The following CSMD1 variants were observed in gnomAD, a reference collection of about 807,000 sequenced individuals.
CSMD1 encodes the protein CUB and sushi domain-containing protein 1.
Under a neutral mutation model 417.5 loss-of-function variants are expected in CSMD1, and 213 were observed. That is an observed-to-expected ratio of 0.51 (90% confidence interval 0.46 to 0.57). The LOEUF is 0.57. Ranked by LOEUF, CSMD1 falls within the 20% of genes least tolerant of loss-of-function variation. The pLI is 0.00. For synonymous variants in CSMD1, 2,862 were observed against 1,736.8 expected (o/e 1.65, Z -16.11); for missense variants, 6,923 against 4,529.7 (o/e 1.53, Z -15.17).
chr8:4,335,996 C>A (rs950475021), intron 3 of CSMD1, among the ~76,000 whole-genome samples: 1 of 152,142 alleles, frequency 6.6e-6, no homozygotes, highest in Non-Finnish European at 1.5e-5. Flanking sequence ...GCCCCGCTCA[C>A]TGTCAAGTTA....
chr8:3,358,832 T>C (rs1808969082), intron 21 of CSMD1, among the ~76,000 whole-genome samples: 1 of 150,080 alleles, frequency 6.7e-6, no homozygotes, highest in African/African-American at 2.5e-5. Flanking sequence ...CTTCCAGTTT[T>C]TCTTTTGCTC....
intron 36 of CSMD1, among the ~76,000 whole-genome samples, chr8:3,181,491 G>C (rs1329947822): frequency 6.6e-6 from 1 of 152,038 alleles, no homozygotes; most frequent in East Asian, 1.9e-4. Context: ...TTTTTGCATT[G>C]TTTTATCCAT....
At chr8:4,074,517 G>C (rs187085946) in intron 3 of CSMD1, among the ~76,000 whole-genome samples, 1 of 152,168 alleles carries the variant, frequency 6.6e-6, no homozygotes, top group Admixed American at 6.5e-5. Context: ...TACAAAACAT[G>C]ATATTTGAGA....
At chr8:3,733,201 ACACACT>A (rs1207938979) in intron 6 of CSMD1, among the ~76,000 whole-genome samples, 1,978 of 116,774 alleles carry the variant, frequency 0.017, 15 homozygotes, top group Middle Eastern at 0.034. Flanking sequence ...ACACACACAC[ACACACT>A]CTCTCTCTCT....
At position 3,157,900 on chromosome 8, in the gene CSMD1, T is replaced by C. The variant is rs1394377021; in HGVS notation, c.5911A>G (p.Ile1971Val). The C allele has an allele frequency of 6.4e-7, 1 of 1,552,994 alleles. No homozygotes were observed. ...GTTACAGAAGGTGCATCCTTACCAA[T>C]GCACAGGGGAGACGGATAGTTCCAA... ...RRWNYPSPLC[I>V]ATCGGTLSTL... is the part of the protein sequence containing the mutation. The change falls in exon 39 of 70, where the codon ATT becomes GTT. Residue 1971 changes from isoleucine (I) to valine (V), a missense_variant. By Grantham distance (29) the Ile-to-Val change is conservative. Coordinates refer to ENST00000635120, the MANE Select transcript of CSMD1 (RefSeq NM_033225.6).
chr8:3,463,805 G>A (rs80148850), intron 12 of CSMD1, among the ~76,000 whole-genome samples: 5,265 of 152,260 alleles, frequency 0.035, 154 homozygotes, highest in East Asian at 0.15. Flanking sequence ...AGTTCCGTCT[G>A]CCAAGAATGG....
At chr8:4,457,973 T>A (rs978955352) in intron 2 of CSMD1, among the ~76,000 whole-genome samples, 1 of 152,174 alleles carries the variant, frequency 6.6e-6, no homozygotes, top group African/African-American at 2.4e-5. Flanking sequence ...TGTACTTCTT[T>A]GGTTGGTGGC....
chr8:3,452,401 G>C lies in CSMD1; in HGVS notation c.1561+16311C>G, dbSNP rs149048469. 0.011 allele frequency among the ~76,000 whole-genome samples: 1,603 copies of C among 152,246 alleles called. 52 individuals carry two copies. In the East Asian group the frequency reaches 0.11, roughly 10 times the overall value. ...GGCACTCCTGTCTTGTGCCAGTTTT[G>C]AAAGGGAATGCTTCCAGTTTTTGCC... is the stretch of plus-strand genomic sequence containing the variant. On this transcript the variant is annotated intron_variant, in intron 12 of 69. Transcript: ENST00000635120.
chr8:4,325,615 C>T (rs1799516122), intron 3 of CSMD1, among the ~76,000 whole-genome samples: 1 of 152,144 alleles, frequency 6.6e-6, no homozygotes, highest in African/African-American at 2.4e-5. Context: ...AACATGAAAG[C>T]ATCTGAAGAT....
Position 2,951,278 on chromosome 8 carries a change from G to T in CSMD1, c.10040-3C>A. 4 of 1,598,946 alleles carry T rather than the reference G, an allele frequency of 2.5e-6. No homozygotes were observed. Among genetic ancestry groups the T allele is most frequent in the Non-Finnish European group, 3.4e-6 (4 of 1,172,096 alleles). On this transcript the variant is annotated splice_region_variant and splice_polypyrimidine_tract_variant and intron_variant, in intron 65 of 69. Transcript: ENST00000635120. ...GACGAAAAAGACATCTGAAGGAACT[G>T]TGGGAAGGGGGGAAACAGACCAATG...
rs756559435 is a variant in CSMD1 at position 4,637,527 on chromosome 8, G to A, written c.117C>T (p.Pro39=). 1.9e-6 allele frequency: 3 copies of A among 1,613,582 alleles called. No homozygotes were observed. Among genetic ancestry groups the A allele is most frequent in the Non-Finnish European group, 2.5e-6 (3 of 1,179,790 alleles). ...ACCCTGGGCTCTCAATAGTGCCATT[G>A]GGACCCTGGACTAAGCCTCCACAGT... ...GQNCGGLVQG[P]NGTIESPGFP... The change falls in exon 2 of 70, where the codon CCC becomes CCT. Residue 39 remains proline, a synonymous_variant. Coordinates refer to ENST00000635120, the MANE Select transcript of CSMD1 (RefSeq NM_033225.6).
chr8:3,128,138 G>T (rs184776146), intron 41 of CSMD1: 3 of 151,980 alleles, frequency 2.0e-5, no homozygotes, highest in African/African-American at 4.8e-5. Flanking sequence ...ATAACACAGA[G>T]AATTTTATCT....
chr8:3,769,223 C>T (rs1428822869), intron 5 of CSMD1, among the ~76,000 whole-genome samples: 1 of 152,200 alleles, frequency 6.6e-6, no homozygotes, highest in South Asian at 2.1e-4. Flanking sequence ...ACACCTACAA[C>T]ACTCGAAGGC....
chr8:3,461,762 G>C (rs188725928), intron 12 of CSMD1, among the ~76,000 whole-genome samples: 1 of 152,346 alleles, frequency 6.6e-6, no homozygotes, highest in African/African-American at 2.4e-5. Context: ...CAATACAGAT[G>C]AGTGGGACGA....
chr8:3,544,472 G>A (rs563753739), intron 10 of CSMD1, among the ~76,000 whole-genome samples: 1 of 152,188 alleles, frequency 6.6e-6, no homozygotes, highest in East Asian at 1.9e-4. Flanking sequence ...TGTCCATGGA[G>A]TAGCTTGCTC....
chr8:4,694,137 G>A (rs929516826), intron 1 of CSMD1, among the ~76,000 whole-genome samples: 1 of 152,072 alleles, frequency 6.6e-6, no homozygotes, highest in African/African-American at 2.4e-5. Flanking sequence ...TTTGTCCACG[G>A]GAATTTCCTT....
chr8:4,732,828 C>T (rs1809990113), intron 1 of CSMD1, among the ~76,000 whole-genome samples: 1 of 152,112 alleles, frequency 6.6e-6, no homozygotes. Context: ...GAGCTTGGAA[C>T]TTCTTTGCAG....
chr8:4,700,012 G>A (rs192009234), intron 1 of CSMD1, among the ~76,000 whole-genome samples: 1 of 152,192 alleles, frequency 6.6e-6, no homozygotes, highest in East Asian at 1.9e-4. Context: ...TCTTCATCTC[G>A]CTAATCTTAG....
intron 41 of CSMD1, among the ~76,000 whole-genome samples, chr8:3,126,171 A>G (rs1348573926): frequency 6.6e-6 from 1 of 152,194 alleles, no homozygotes; most frequent in Non-Finnish European, 1.5e-5. Context: ...TTCATTCATG[A>G]AAGGAGACTA....
Sources: gnomAD v4.1 joint callset for allele counts (sites outside exome capture counted in the v4.1 genomes callset) on GRCh38, gnomAD v4.1.1 for gene constraint, MANE v1.5 for transcripts, NCBI Gene and HGNC (gene_info 2026-07-23, HGNC 2026-07-21) for gene names.